Variants in NOVA1 observed in about 807,000 individuals in gnomAD.
NOVA1 encodes NOVA alternative splicing regulator 1, also known as RNA-binding protein Nova-1.
A neutral mutation model predicts 38.0 loss-of-function variants in NOVA1; 7 were observed. The observed-to-expected ratio is 0.18, with a 90% CI of 0.10 to 0.35. NOVA1 has a LOEUF of 0.35. Among genes scored for constraint, NOVA1 ranks in the 10% least tolerant of loss-of-function variants. The pLI is 1.00. For missense variants in NOVA1, 460 were observed against 616.0 expected, an observed-to-expected ratio of 0.75 and a Z score of 2.68; for synonymous variants, 270 against 232.5, an observed-to-expected ratio of 1.16 and a Z score of -1.47.
chr14:26,443,457 G>A lies in NOVA1; in HGVS notation c.*4502C>T, dbSNP rs1555313209. ...TCAATTTTCAAGAACAGTTTTTTTT[G>A]TTTATATAGACCAGTGGAATGACAT... On this transcript the variant is annotated 3_prime_UTR_variant, in exon 5 of 5. Coordinates refer to ENST00000539517, the MANE Select transcript of NOVA1 (RefSeq NM_002515.3). 1 of 151,170 alleles carries A rather than the reference G, an allele frequency of 6.6e-6. No individual in the cohort carries two copies. The highest frequency in any genetic ancestry group is 2.1e-4 in the South Asian group (1 of 4,806). 9.4% of individuals were successfully genotyped at this position (151,170 alleles called of 1,614,324 possible). A position where few individuals can be genotyped will look rare whatever the true frequency, so the allele number is the denominator to read the frequency against.
chr14:26,457,432 A>G (rs973222347), intron 4 of NOVA1, among the ~76,000 whole-genome samples: 3 of 152,138 alleles, frequency 2.0e-5, no homozygotes, highest in South Asian at 2.1e-4. Flanking sequence ...CATGTATTCA[A>G]TGGTGATCTT....
intron 2 of NOVA1, among the ~76,000 whole-genome samples, chr14:26,579,116 G>A (rs984326955): frequency 7.2e-6 from 1 of 138,600 alleles, no homozygotes; most frequent in South Asian, 2.3e-4. Context: ...GGAGTGCAGT[G>A]GAGTGATCTT....
At chr14:26,453,531 C>A (rs947399317) in intron 4 of NOVA1, among the ~76,000 whole-genome samples, 4 of 152,068 alleles carry the variant, frequency 2.6e-5, no homozygotes, top group African/African-American at 9.7e-5. Context: ...TTTACAATTT[C>A]TCTATTTGCA....
chr14:26,493,325 C>T (rs1446060248), intron 2 of NOVA1, among the ~76,000 whole-genome samples: 1 of 152,158 alleles, frequency 6.6e-6, no homozygotes, highest in Non-Finnish European at 1.5e-5. Flanking sequence ...TTAGCCATTA[C>T]AAACAGTTTT....
intron 4 of NOVA1, among the ~76,000 whole-genome samples, chr14:26,457,621 GATA>G (rs1021140530): frequency 1.2e-4 from 18 of 152,046 alleles, no homozygotes; most frequent in East Asian, 5.8e-4. Flanking sequence ...CATAAAACCT[GATA>G]ATGATGATAA....
At chr14:26,554,411 C>T (rs1297215932) in intron 2 of NOVA1, among the ~76,000 whole-genome samples, 3 of 151,966 alleles carry the variant, frequency 2.0e-5, no homozygotes, top group African/African-American at 7.2e-5. Flanking sequence ...AAGAGAATGA[C>T]TAGACTTCAA....
intron 3 of NOVA1, 82 bp downstream of exon 3, chr14:26,479,895 G>T: frequency 7.0e-7 from 1 of 1,433,056 alleles, no homozygotes; most frequent in Non-Finnish European, 9.5e-7. Context: ...AAAGTTTTAT[G>T]CTAACACTTT....
At chr14:26,596,882 G>T in intron 1 of NOVA1, 1 of 1,163,602 alleles carries the variant, frequency 8.6e-7, no homozygotes, top group Non-Finnish European at 1.1e-6. Flanking sequence ...CTACCCAAGT[G>T]CCATTTATTT....
Position 26,447,746 on chromosome 14 carries a change from A to T in NOVA1, c.*213T>A. On this transcript the variant is annotated 3_prime_UTR_variant, in exon 5 of 5. Coordinates refer to ENST00000539517, the MANE Select transcript of NOVA1 (RefSeq NM_002515.3). ...TCTGACAAATATACACAAGCAAAGTATAGAGAACAAAACAGATCAAGAAAA... is the reference window on the plus strand; with the variant it reads ...TCTGACAAATATACACAAGCAAAGTTTAGAGAACAAAACAGATCAAGAAAA... 1 of 576,146 alleles carries T rather than the reference A, an allele frequency of 1.7e-6. No individual in the cohort carries two copies. Among genetic ancestry groups the T allele is most frequent in the Non-Finnish European group, 3.1e-6 (1 of 324,134 alleles). The allele number at this position is 576,146 out of a possible 1,614,324, so 35.7% of individuals were successfully genotyped here.
intron 2 of NOVA1, among the ~76,000 whole-genome samples, chr14:26,481,680 C>A (rs1276607227): frequency 1.3e-5 from 2 of 152,008 alleles, no homozygotes; most frequent in African/African-American, 4.8e-5. Context: ...TAATGTGAGT[C>A]TGTGGGTTTA....
Position 26,470,357 on chromosome 14 carries a change from C to G in NOVA1, c.519+1963G>C, listed in dbSNP as rs1566450196. On this transcript the variant is annotated intron_variant, in intron 4 of 4. Transcript: ENST00000539517. ...CATGATTAGAATCTACTGGAAAATA[C>G]TGTTGGGGAGAAAATAATTACAAAG... The G allele has an allele frequency of 2.7e-6, 4 of 1,487,262 alleles. No homozygotes were observed. In the East Asian group the frequency reaches 9.7e-5, roughly 36 times the overall value. 92.1% of individuals were successfully genotyped at this position (1,487,262 alleles called of 1,614,324 possible).
At chr14:26,495,175 C>T (rs1009871172) in intron 2 of NOVA1, among the ~76,000 whole-genome samples, 1 of 152,120 alleles carries the variant, frequency 6.6e-6, no homozygotes, top group Admixed American at 6.6e-5. Context: ...CAGCCCCTTT[C>T]TCATCATAAA....
At chr14:26,582,405 G>C (rs993056119) in intron 2 of NOVA1, among the ~76,000 whole-genome samples, 1 of 151,830 alleles carries the variant, frequency 6.6e-6, no homozygotes, top group Non-Finnish European at 1.5e-5. Flanking sequence ...ATGAGAACTG[G>C]AATATGAATT....
At chr14:26,506,652 T>C (rs1370755913) in intron 2 of NOVA1, among the ~76,000 whole-genome samples, 4 of 152,252 alleles carry the variant, frequency 2.6e-5, no homozygotes, top group Admixed American at 6.5e-5. Context: ...TGAACTCGGC[T>C]CACTGCAACC....
At chr14:26,579,053 CTTT>C (rs869075814) in intron 2 of NOVA1, among the ~76,000 whole-genome samples, 2 of 80,082 alleles carry the variant, frequency 2.5e-5, no homozygotes, top group African/African-American at 1.1e-4. Context: ...AGGTGGTATT[CTTT>C]TTTTTTTTTT....
chr14:26,462,022 TTAA>T (rs1196061593), intron 4 of NOVA1, among the ~76,000 whole-genome samples: 1 of 152,126 alleles, frequency 6.6e-6, no homozygotes, highest in African/African-American at 2.4e-5. Flanking sequence ...CTAACTGTAT[TTAA>T]TAATAGTCAA....
chr14:26,568,263 A>G (rs1892256832), intron 2 of NOVA1, among the ~76,000 whole-genome samples: 1 of 152,194 alleles, frequency 6.6e-6, no homozygotes, highest in South Asian at 2.1e-4. Flanking sequence ...TCATTCATAT[A>G]CAAAATGAAC....
At chr14:26,449,765 C>T (rs939713012) in intron 4 of NOVA1, among the ~76,000 whole-genome samples, 11 of 151,960 alleles carry the variant, frequency 7.2e-5, no homozygotes, top group Admixed American at 6.6e-4. Context: ...GGGCTTACTA[C>T]CATCTTACCA....
intron 2 of NOVA1, among the ~76,000 whole-genome samples, chr14:26,496,649 C>T (rs1258494638): frequency 6.6e-6 from 1 of 152,128 alleles, no homozygotes; most frequent in Admixed American, 6.6e-5. Flanking sequence ...AGTCTTTAAT[C>T]CATCTTGAAT....
Sources: allele counts gnomAD v4.1 joint callset (sites outside exome capture counted in the v4.1 genomes callset), GRCh38; gene constraint gnomAD v4.1.1; transcripts MANE v1.5; gene names NCBI Gene and HGNC (gene_info 2026-07-23, HGNC 2026-07-21).